ZC3H3: variants seen among roughly 807,000 people sequenced by gnomAD.
ZC3H3 encodes zinc finger CCCH domain-containing protein 3.
Under a neutral mutation model 77.3 loss-of-function variants are expected in ZC3H3, and 36 were observed. That is an observed-to-expected ratio of 0.47 (90% confidence interval 0.36 to 0.61). The LOEUF is 0.61. Ranked by LOEUF, ZC3H3 falls within the 20% of genes least tolerant of loss-of-function variation. The pLI is 0.00. For missense variants in ZC3H3, 1,331 were observed against 1,312.2 expected (o/e 1.01, Z -0.22); for synonymous variants, 626 against 555.2 (o/e 1.13, Z -1.79).
chr8:143,475,950 C>T (rs1260624275), intron 4 of ZC3H3, among the ~76,000 whole-genome samples: 1 of 152,180 alleles, frequency 6.6e-6, no homozygotes, highest in Non-Finnish European at 1.5e-5. Context: ...TGGATATAAC[C>T]ACCCCTGGGC....
intron 4 of ZC3H3, among the ~76,000 whole-genome samples, chr8:143,495,875 T>C (rs1440234730): frequency 6.6e-6 from 1 of 152,114 alleles, no homozygotes; most frequent in Non-Finnish European, 1.5e-5. Flanking sequence ...GTGCTGTGAT[T>C]ACAGGTGCAA....
In ZC3H3 at chr8:143,440,141, C is replaced by T. The variant is rs780402032; in HGVS notation, c.2715G>A (p.Arg905=). The T allele has an allele frequency of 1.2e-6, 2 of 1,611,772 alleles. No homozygotes were observed. The highest frequency in any genetic ancestry group is 1.1e-5 in the South Asian group (1 of 90,774). Residue 905 remains arginine (R), a synonymous_variant, in exon 11 of 12, where the codon AGG becomes AGA. Transcript: ENST00000262577. The part of the protein sequence containing the change: ...EAALAAACSN[R]LCKLPSFISL... ...AGATGAAGGAAGGCAGCTTGCAGAG[C>T]CTGTTGGAGCACGCTGCTGCTAAGG...
chr8:143,527,566 A>G (rs1357657041), intron 3 of ZC3H3, among the ~76,000 whole-genome samples: 1 of 152,200 alleles, frequency 6.6e-6, no homozygotes, highest in African/African-American at 2.4e-5. Flanking sequence ...CATGCCTGAT[A>G]ATTTATGCAA....
intron 4 of ZC3H3, among the ~76,000 whole-genome samples, chr8:143,505,025 T>A (rs2956377): frequency 2.6e-5 from 4 of 152,292 alleles, no homozygotes; most frequent in East Asian, 1.9e-4. Context: ...AGGGGTCGGC[T>A]GGGGCATCCC....
Position 143,440,069 on chromosome 8 carries a change from G to A in ZC3H3, c.2787C>T (p.Ala929=), listed in dbSNP as rs539496706. The change falls in exon 11 of 12, where the codon GCC becomes GCT. Residue 929 remains alanine, a synonymous_variant. Coordinates refer to ENST00000262577, the MANE Select transcript of ZC3H3 (RefSeq NM_015117.3). Reference sequence around the variant, plus strand: ...AGTCCTTGGTGAGGGGGGCCCTAGGGGCCCGGACCCTGGGCTGGGCTCCTG... The same window carrying A: ...AGTCCTTGGTGAGGGGGGCCCTAGGAGCCCGGACCCTGGGCTGGGCTCCTG... The part of the protein sequence containing the change: ...PSPGAQPRVR[A]PRAPLTKDSG... 2.4e-4 allele frequency: 374 copies of A among 1,583,956 alleles called. 5 individuals carry two copies. In the South Asian group the frequency reaches 4.0e-3, roughly 17 times the overall value.
At chr8:143,479,799 G>C (rs201067081) in intron 4 of ZC3H3, among the ~76,000 whole-genome samples, 1 of 151,976 alleles carries the variant, frequency 6.6e-6, no homozygotes, top group East Asian at 1.9e-4. Context: ...TCTCCTCCCT[G>C]GGGGGGGACA....
chr8:143,504,376 G>C (rs1261908444), intron 4 of ZC3H3, among the ~76,000 whole-genome samples: 2 of 152,214 alleles, frequency 1.3e-5, no homozygotes, highest in African/African-American at 4.8e-5. Context: ...AGAGGACAAG[G>C]TGAGGGCTGT....
At chr8:143,448,772 T>G (rs1167790387) in intron 9 of ZC3H3, among the ~76,000 whole-genome samples, 4 of 152,240 alleles carry the variant, frequency 2.6e-5, no homozygotes, top group Non-Finnish European at 5.9e-5. Context: ...AGACTCTGCG[T>G]GGGGGCTCCA....
At chr8:143,521,457 G>T (rs1822240319) in intron 3 of ZC3H3, among the ~76,000 whole-genome samples, 1 of 127,070 alleles carries the variant, frequency 7.9e-6, no homozygotes, top group Non-Finnish European at 1.8e-5. Context: ...AGCAGGCCGG[G>T]AGGACTGGGT....
intron 3 of ZC3H3, among the ~76,000 whole-genome samples, chr8:143,520,338 C>T (rs916914254): frequency 6.6e-6 from 1 of 152,214 alleles, no homozygotes; most frequent in East Asian, 1.9e-4. Context: ...AGTAAGAGCA[C>T]CCTTCCGGGG....
At chr8:143,479,397 C>T (rs1820844422) in intron 4 of ZC3H3, among the ~76,000 whole-genome samples, 1 of 152,112 alleles carries the variant, frequency 6.6e-6, no homozygotes, top group South Asian at 2.1e-4. Flanking sequence ...AATAGCAGGG[C>T]CAAGGACCCG....
chr8:143,480,919 C>T (rs1249076107), intron 4 of ZC3H3, among the ~76,000 whole-genome samples: 4 of 152,170 alleles, frequency 2.6e-5, no homozygotes, highest in African/African-American at 7.2e-5. Flanking sequence ...CCTAGAGACC[C>T]GGGAAGCAGC....
chr8:143,491,205 A>G (rs1821192729), intron 4 of ZC3H3, among the ~76,000 whole-genome samples: 1 of 152,160 alleles, frequency 6.6e-6, no homozygotes, highest in Admixed American at 6.5e-5. Context: ...AATTCCACGG[A>G]TCCCACAGGA....
chr8:143,443,303 AAAAAG>A (rs1240508508), intron 9 of ZC3H3, among the ~76,000 whole-genome samples: 10 of 151,596 alleles, frequency 6.6e-5, no homozygotes, highest in Non-Finnish European at 1.3e-4. Context: ...AAAAAAAAAA[AAAAAG>A]AACTTTTTGA....
intron 4 of ZC3H3, among the ~76,000 whole-genome samples, chr8:143,478,745 G>A (rs1178537780): frequency 6.6e-6 from 1 of 152,224 alleles, no homozygotes; most frequent in African/African-American, 2.4e-5. Context: ...CCTGACCTCA[G>A]GTGATCTGAC....
intron 5 of ZC3H3, among the ~76,000 whole-genome samples, chr8:143,472,369 C>T (rs768771760): frequency 6.7e-4 from 102 of 152,228 alleles, no homozygotes; most frequent in Non-Finnish European, 1.2e-3. Context: ...GCTCTGCGCC[C>T]GCCAGGGCTC....
intron 3 of ZC3H3, among the ~76,000 whole-genome samples, chr8:143,521,782 G>A (rs1210887959): frequency 2.0e-5 from 3 of 152,208 alleles, no homozygotes; most frequent in East Asian, 1.9e-4. Flanking sequence ...CAGGAAGAAC[G>A]TAAATTGAGC....
intron 3 of ZC3H3, among the ~76,000 whole-genome samples, chr8:143,531,962 G>C (rs1822625458): frequency 6.6e-6 from 1 of 152,222 alleles, no homozygotes; most frequent in Non-Finnish European, 1.5e-5. Context: ...GCTTAATGTT[G>C]ATTGTGACGG....
Position 143,507,823 on chromosome 8 carries a change from C to T in ZC3H3, c.1638G>A (p.Thr546=), listed in dbSNP as rs763815991. 7.5e-5 allele frequency: 120 copies of T among 1,608,782 alleles called. 2 individuals are homozygous for T. The South Asian group carries it at 1.0e-3, about 14-fold the overall frequency. Residue 546 remains threonine, a synonymous_variant, in exon 4 of 12, where the codon ACG becomes ACA. Transcript: ENST00000262577. ...IKTRYRIVKK[T]PASPLSAPPF... is the part of the protein sequence containing the mutation. ...GCGGGGCGCTGAGAGGCGAGGCCGG[C>T]GTCTTCTTGACAATGCGGTAGCGGG...
Sources: gnomAD v4.1 joint callset for allele counts (sites outside exome capture counted in the v4.1 genomes callset) on GRCh38, gnomAD v4.1.1 for gene constraint, MANE v1.5 for transcripts, NCBI Gene and HGNC (gene_info 2026-07-23, HGNC 2026-07-21) for gene names.